Variants in SWT1 observed in about 807,000 individuals in gnomAD.
The protein encoded by SWT1 is transcriptional protein SWT1.
Under a neutral mutation model 107.3 loss-of-function variants are expected in SWT1, and 33 were observed. The ratio of observed to expected loss-of-function variants is 0.31; its 90% confidence interval spans 0.23 to 0.41. The LOEUF is 0.41. Ranked by LOEUF, SWT1 falls within the 10% of genes least tolerant of loss-of-function variation. The pLI is 1.00. For synonymous variants in SWT1, 345 were observed against 348.3 expected (o/e 0.99, Z 0.11); for missense variants, 898 against 1,028.9 (o/e 0.87, Z 1.74).
intron 16 of SWT1, among the ~76,000 whole-genome samples, chr1:185,243,322 C>T (rs990831630): frequency 1.3e-5 from 2 of 152,124 alleles, no homozygotes; most frequent in African/African-American, 4.8e-5. Flanking sequence ...GTTGCCCAGG[C>T]TGGTCTTGAT....
At chr1:185,273,933 T>G (rs1174601945) in intron 17 of SWT1, among the ~76,000 whole-genome samples, 1 of 151,434 alleles carries the variant, frequency 6.6e-6, no homozygotes, top group Non-Finnish European at 1.5e-5. Flanking sequence ...TGAGGCCAGG[T>G]GTTCAAGGCT....
chr1:185,229,576 A>G (rs1171420263), intron 15 of SWT1, among the ~76,000 whole-genome samples: 1 of 151,688 alleles, frequency 6.6e-6, no homozygotes, highest in Non-Finnish European at 1.5e-5. Context: ...CTTTCCTGGA[A>G]GATGTTGTTT....
chr1:185,194,862 G>A (rs1006520311), intron 10 of SWT1, among the ~76,000 whole-genome samples: 4 of 152,012 alleles, frequency 2.6e-5, no homozygotes, highest in African/African-American at 4.8e-5. Flanking sequence ...CAGTATCTGT[G>A]TTGTATTCAA....
Position 185,174,613 on chromosome 1 carries a change from A to G in SWT1, c.466A>G (p.Ile156Val), listed in dbSNP as rs138263470. ...HGIKSLSSPK[I>V]ASDVKPKAEG... ...AATTAAAAGCCTTAGTAGTCCTAAG[A>G]TTGCCAGTGATGTGAAACCTAAAGC... The change falls in exon 5 of 19, where the codon ATT (isoleucine) becomes GTT (valine). Residue 156 changes from isoleucine to valine, a missense_variant. Physicochemically the swap from Ile to Val is conservative, Grantham distance 29. Around this residue, in one of 6 missense-constraint regions of SWT1, gnomAD observed 382 missense variants for 362.4 expected, o/e 1.05. Transcript: ENST00000367500. 2,333 of 1,611,612 alleles carry G rather than the reference A, an allele frequency of 1.4e-3. 7 individuals carry two copies. Among genetic ancestry groups the G allele is most frequent in the Non-Finnish European group, 1.9e-3 (2,220 of 1,179,432 alleles).
intron 11 of SWT1, among the ~76,000 whole-genome samples, chr1:185,203,789 A>C (rs941753655): frequency 1.3e-5 from 2 of 152,116 alleles, no homozygotes; most frequent in African/African-American, 4.8e-5. Context: ...GAAGTCTCTA[A>C]TATATGTGCA....
At chr1:185,258,170 C>G (rs1473894076) in intron 16 of SWT1, among the ~76,000 whole-genome samples, 2 of 151,812 alleles carry the variant, frequency 1.3e-5, no homozygotes, top group African/African-American at 2.4e-5. Flanking sequence ...TATTGTTATT[C>G]TTAACGTAAT....
intron 2 of SWT1, among the ~76,000 whole-genome samples, chr1:185,165,590 G>A (rs967549521): frequency 2.0e-5 from 3 of 152,116 alleles, no homozygotes; most frequent in Non-Finnish European, 4.4e-5. Flanking sequence ...ACTAGCTAAT[G>A]TGGTCCTATT....
At chr1:185,272,983 T>C (rs1361959426) in intron 17 of SWT1, among the ~76,000 whole-genome samples, 4 of 151,480 alleles carry the variant, frequency 2.6e-5, no homozygotes, top group African/African-American at 9.7e-5. Context: ...CAGTGAGCCA[T>C]GTTCATACCA....
intron 11 of SWT1, 124 bp downstream of exon 11, chr1:185,202,923 T>G (rs933388836): frequency 2.1e-6 from 1 of 482,954 alleles, no homozygotes; most frequent in African/African-American, 2.0e-5. Context: ...TTGGAATACT[T>G]GCTGGCATGT....
intron 15 of SWT1, among the ~76,000 whole-genome samples, chr1:185,228,178 TATATATATATAC>T (rs1660229401): frequency 7.1e-6 from 1 of 139,994 alleles, no homozygotes; most frequent in East Asian, 2.1e-4. Context: ...TGTATATATA[TATATATATATAC>T]ATATATATAT....
chr1:185,262,707 T>C (rs1663106147), intron 16 of SWT1, among the ~76,000 whole-genome samples: 1 of 152,178 alleles, frequency 6.6e-6, no homozygotes, highest in South Asian at 2.1e-4. Flanking sequence ...TAGCTTGTGC[T>C]TGTGTGCTTG....
chr1:185,167,080 G>A (rs955342337), intron 3 of SWT1, among the ~76,000 whole-genome samples: 1 of 152,004 alleles, frequency 6.6e-6, no homozygotes, highest in Non-Finnish European at 1.5e-5. Context: ...GCTAATTTTT[G>A]TATTTTTAGT....
chr1:185,171,733 G>A, intron 4 of SWT1: 4 of 450,930 alleles, frequency 8.9e-6, no homozygotes, highest in Non-Finnish European at 1.3e-5. Context: ...GGCAGAAAGG[G>A]CATTTTTTTT....
At chr1:185,260,360 A>C (rs1003818022) in intron 16 of SWT1, among the ~76,000 whole-genome samples, 2 of 151,896 alleles carry the variant, frequency 1.3e-5, no homozygotes, top group African/African-American at 2.4e-5. Context: ...AGTGTAGATA[A>C]ATTAGTCCAG....
At chr1:185,200,999 C>T (rs1424288492) in intron 10 of SWT1, among the ~76,000 whole-genome samples, 1 of 152,132 alleles carries the variant, frequency 6.6e-6, no homozygotes, top group Non-Finnish European at 1.5e-5. Flanking sequence ...CTTTGGGGCG[C>T]TGCGGTGGGC....
chr1:185,270,960 G>T (rs1042686251), intron 16 of SWT1, among the ~76,000 whole-genome samples: 3 of 152,164 alleles, frequency 2.0e-5, no homozygotes, highest in African/African-American at 7.2e-5. Flanking sequence ...GCTTTGTCTG[G>T]AGCTTAAAAG....
At chr1:185,204,101 A>G (rs1658108744) in intron 11 of SWT1, among the ~76,000 whole-genome samples, 1 of 152,178 alleles carries the variant, frequency 6.6e-6, no homozygotes. Context: ...GAGGGCATGA[A>G]GATAGTTAAG....
rs773330290 is a variant in SWT1 at position 185,214,476 on chromosome 1, A to T, written c.1973-31A>T. 8 of 1,557,142 alleles carry T rather than the reference A, an allele frequency of 5.1e-6. No individual in the cohort carries two copies. The African/African-American group carries it at 8.2e-5, about 16-fold the overall frequency. On this transcript the variant is annotated intron_variant, in intron 13 of 18. Transcript: ENST00000367500. ...TTTTATGATGTATACTCATTCTTCC[A>T]TATTTTTCTGTCTTAATTTTCTGTT... is the stretch of plus-strand genomic sequence containing the variant.
chr1:185,260,017 G>T (rs1233133187), intron 16 of SWT1, among the ~76,000 whole-genome samples: 1 of 152,170 alleles, frequency 6.6e-6, no homozygotes, highest in African/African-American at 2.4e-5. Context: ...AGAGTCATGG[G>T]TGAGTACTTT....
Sources: gnomAD v4.1 joint callset for allele counts (sites outside exome capture counted in the v4.1 genomes callset) on GRCh38, gnomAD v4.1.1 for gene constraint, gnomAD v4.1.1 regional missense constraint, MANE v1.5 for transcripts, NCBI Gene and HGNC (gene_info 2026-07-23, HGNC 2026-07-21) for gene names.